DSCAM: variants seen among roughly 807,000 people sequenced by gnomAD.
The protein encoded by DSCAM is DS cell adhesion molecule, also known as cell adhesion molecule DSCAM.
DSCAM carries 47 observed loss-of-function variants against 217.7 expected under a neutral mutation model. The ratio of observed to expected loss-of-function variants is 0.22; its 90% confidence interval spans 0.17 to 0.28. The LOEUF (loss-of-function observed/expected upper bound fraction) is 0.28. Among genes scored for constraint, DSCAM ranks in the 10% least tolerant of loss-of-function variants. DSCAM has a pLI of 1.00. For missense variants in DSCAM, 2,080 were observed against 2,618.3 expected (o/e 0.79, Z 4.49); for synonymous variants, 1,056 against 1,015.3 (o/e 1.04, Z -0.76).
intron 3 of DSCAM, among the ~76,000 whole-genome samples, chr21:40,487,174 G>T (rs938880321): frequency 6.6e-5 from 10 of 151,492 alleles, no homozygotes; most frequent in Admixed American, 6.6e-4. Flanking sequence ...CTTATCTATG[G>T]GTTCATGGAA....
At chr21:40,259,264 CT>C (rs1205732383) in intron 11 of DSCAM, among the ~76,000 whole-genome samples, 2 of 115,418 alleles carry the variant, frequency 1.7e-5, no homozygotes, top group African/African-American at 4.2e-5. Context: ...CTGATCTCCT[CT>C]TTAATGAACT....
chr21:40,446,581 T>C (rs990038610), intron 3 of DSCAM, among the ~76,000 whole-genome samples: 1 of 152,120 alleles, frequency 6.6e-6, no homozygotes, highest in Non-Finnish European at 1.5e-5. Context: ...TCTGTCAATA[T>C]TAAAACCAGC....
chr21:40,529,036 T>A (rs931958853), intron 3 of DSCAM, among the ~76,000 whole-genome samples: 4 of 151,770 alleles, frequency 2.6e-5, no homozygotes, highest in African/African-American at 9.7e-5. Context: ...CCTGAGTAGC[T>A]GGGACTACAG....
At chr21:40,521,940 G>A (rs915966590) in intron 3 of DSCAM, among the ~76,000 whole-genome samples, 13 of 152,230 alleles carry the variant, frequency 8.5e-5, no homozygotes, top group African/African-American at 2.6e-4. Context: ...ACGTATACAC[G>A]TTTCAAAACA....
intron 27 of DSCAM, among the ~76,000 whole-genome samples, chr21:40,069,121 A>C (rs2089252729): frequency 6.6e-6 from 1 of 152,110 alleles, no homozygotes; most frequent in East Asian, 1.9e-4. Flanking sequence ...AAGAAAGAAA[A>C]TTGGGGCATC....
chr21:40,338,871 C>T (rs1411634137), intron 7 of DSCAM, among the ~76,000 whole-genome samples: 1 of 151,988 alleles, frequency 6.6e-6, no homozygotes, highest in Admixed American at 6.6e-5. Flanking sequence ...AGAGCATAAA[C>T]CAGGAAAGGA....
In DSCAM at chr21:40,582,626, G is replaced by A. The variant is rs187935480; in HGVS notation, c.508+110184C>T. ...ATAAACACACATAATACATATTCCAGGAATTTGCAGTCACTGGGATTCTGT... is the reference window on the plus strand; with the variant it reads ...ATAAACACACATAATACATATTCCAAGAATTTGCAGTCACTGGGATTCTGT... On this transcript the variant is annotated intron_variant, in intron 3 of 32. Coordinates refer to ENST00000400454, the MANE Select transcript of DSCAM (RefSeq NM_001389.5). Among the ~76,000 whole-genome samples the A allele has an allele frequency of 4.3e-4, 66 of 152,238 alleles. No homozygotes were observed. In the East Asian group the frequency reaches 0.012, roughly 27 times the overall value.
At chr21:40,346,305 T>G (rs1346899727) in intron 6 of DSCAM, among the ~76,000 whole-genome samples, 1 of 152,212 alleles carries the variant, frequency 6.6e-6, no homozygotes, top group African/African-American at 2.4e-5. Flanking sequence ...AAAATCTCAC[T>G]GTCTGCAATG....
intron 3 of DSCAM, among the ~76,000 whole-genome samples, chr21:40,605,132 A>T (rs1034438494): frequency 6.6e-6 from 1 of 152,210 alleles, no homozygotes; most frequent in Non-Finnish European, 1.5e-5. Context: ...AACTCAAGAA[A>T]GCTGTAGGGG....
chr21:40,144,730 G>A lies in DSCAM; in HGVS notation c.3020C>T (p.Ala1007Val), dbSNP rs763709087. ...CCCATTTTGCAAATGTTTCTTGGGA[G>A]CCTAAACAGGAGAGAAAAGAACACA... is the stretch of plus-strand genomic sequence containing the variant. ...SSQSIRVTWKAPKKHLQNGII... is the reference protein window; with the variant it reads ...SSQSIRVTWKVPKKHLQNGII... Residue 1007 changes from alanine (A) to valine (V), a missense_variant and splice_region_variant, in exon 17 of 33, where the codon GCT (alanine) becomes GTT (valine). By Grantham distance (64) the Ala-to-Val change is moderately conservative (BLOSUM62 0). Coordinates refer to ENST00000400454, the MANE Select transcript of DSCAM (RefSeq NM_001389.5). This position sits in a 1 kb window ranked among gnomAD's most constrained non-coding sequence, Gnocchi z 4.8. The A allele has an allele frequency of 6.8e-6, 11 of 1,614,176 alleles. No individual in the cohort carries two copies. Among genetic ancestry groups the A allele is most frequent in the Non-Finnish European group, 8.5e-6 (10 of 1,180,036 alleles).
intron 3 of DSCAM, among the ~76,000 whole-genome samples, chr21:40,431,819 A>T (rs546142871): frequency 6.6e-6 from 1 of 152,174 alleles, no homozygotes; most frequent in Non-Finnish European, 1.5e-5. Flanking sequence ...ATTTTTCTAG[A>T]GTCAACCGTA....
At chr21:40,437,009 T>C (rs939459231) in intron 3 of DSCAM, among the ~76,000 whole-genome samples, 3 of 152,198 alleles carry the variant, frequency 2.0e-5, no homozygotes, top group Non-Finnish European at 4.4e-5. Context: ...AATAGTGTGT[T>C]ACACTTACTG....
At chr21:40,032,662 G>C (rs763308401) in intron 32 of DSCAM, among the ~76,000 whole-genome samples, 1 of 149,570 alleles carries the variant, frequency 6.7e-6, no homozygotes, top group African/African-American at 2.5e-5. Context: ...TCTGTCTCTG[G>C]TATGGGTGGA....
intron 32 of DSCAM, among the ~76,000 whole-genome samples, chr21:40,014,555 C>G (rs905646750): frequency 1.3e-5 from 2 of 152,286 alleles, no homozygotes; most frequent in East Asian, 3.9e-4. Context: ...CAGGATCTCC[C>G]TAACAGGCAT....
chr21:40,394,840 T>C (rs990951747), intron 3 of DSCAM, among the ~76,000 whole-genome samples: 17 of 152,140 alleles, frequency 1.1e-4, no homozygotes, highest in African/African-American at 3.1e-4. Context: ...TTGTGTGTAA[T>C]TGGGGAGTAC....
At chr21:40,827,548 A>T (rs2091980206) in intron 1 of DSCAM, among the ~76,000 whole-genome samples, 1 of 131,864 alleles carries the variant, frequency 7.6e-6, no homozygotes, top group South Asian at 2.7e-4. Context: ...CATCAGCCTC[A>T]TTGACAAAAG....
intron 3 of DSCAM, among the ~76,000 whole-genome samples, chr21:40,632,285 A>G (rs1379737888): frequency 6.7e-6 from 1 of 149,308 alleles, no homozygotes; most frequent in East Asian, 2.0e-4. Context: ...TGGCTTTATG[A>G]ATACTTGTCA....
At chr21:40,220,043 T>C (rs558920111) in intron 11 of DSCAM, among the ~76,000 whole-genome samples, 3 of 152,366 alleles carry the variant, frequency 2.0e-5, no homozygotes, top group African/African-American at 7.2e-5. Flanking sequence ...CAAACAGCTG[T>C]AAACTGTTTT....
At chr21:40,485,252 T>G (rs1224981825) in intron 3 of DSCAM, among the ~76,000 whole-genome samples, 11 of 148,762 alleles carry the variant, frequency 7.4e-5, no homozygotes, top group Non-Finnish European at 1.5e-5. Flanking sequence ...TTTTTTTTTT[T>G]TTTTTTGAGA....
Sources: allele counts gnomAD v4.1 joint callset (sites outside exome capture counted in the v4.1 genomes callset), GRCh38; gene constraint gnomAD v4.1.1; non-coding constraint Gnocchi (gnomAD v3.1); transcripts MANE v1.5; gene names NCBI Gene and HGNC (gene_info 2026-07-23, HGNC 2026-07-21).